CNPY3: variants seen among roughly 807,000 people sequenced by gnomAD.
The protein encoded by CNPY3 is canopy FGF signaling regulator 3.
A neutral mutation model predicts 32.0 loss-of-function variants in CNPY3; 20 were observed. The observed-to-expected ratio is 0.63, with a 90% CI of 0.44 to 0.91. CNPY3 has a LOEUF of 0.91. Ranked by LOEUF, CNPY3 falls within the 40% of genes least tolerant of loss-of-function variation. The pLI is 0.00. For missense variants in CNPY3, 299 were observed against 340.8 expected, an observed-to-expected ratio of 0.88 and a Z score of 0.97; for synonymous variants, 138 against 142.9, an observed-to-expected ratio of 0.97 and a Z score of 0.24.
At chr6:42,936,949 C>A (rs1380283052) in intron 3 of CNPY3, among the ~76,000 whole-genome samples, 1 of 152,044 alleles carries the variant, frequency 6.6e-6, no homozygotes, top group Non-Finnish European at 1.5e-5. Flanking sequence ...TATGAGTTAT[C>A]TCTGGGAAAA....
intron 3 of CNPY3, among the ~76,000 whole-genome samples, chr6:42,936,046 C>A (rs972825950): frequency 1.5e-5 from 2 of 135,528 alleles, no homozygotes; most frequent in Non-Finnish European, 1.6e-5. Flanking sequence ...ACTGCCCAGT[C>A]CCATCTCTGG....
chr6:42,930,674 C>T (rs377529519), intron 1 of CNPY3, among the ~76,000 whole-genome samples: 1 of 152,152 alleles, frequency 6.6e-6, no homozygotes, highest in African/African-American at 2.4e-5. Flanking sequence ...ACCCCAGGGC[C>T]CCCAGAAAGT....
chr6:42,931,208 C>T (rs1767783196), intron 1 of CNPY3, among the ~76,000 whole-genome samples: 1 of 148,282 alleles, frequency 6.7e-6, no homozygotes, highest in South Asian at 2.1e-4. Context: ...ACTTTTCGCT[C>T]TTCCTCTAGT....
intron 3 of CNPY3, 114 bp from the exon 4 acceptor site, chr6:42,937,603 C>T (rs1238688323): frequency 3.6e-6 from 4 of 1,107,684 alleles, no homozygotes; most frequent in South Asian, 2.9e-5. Context: ...GGATGAGGAT[C>T]CTTAGAGGGC....
intron 3 of CNPY3, among the ~76,000 whole-genome samples, chr6:42,936,128 G>C (rs1340626087): frequency 2.0e-5 from 3 of 152,178 alleles, no homozygotes; most frequent in African/African-American, 7.2e-5. Flanking sequence ...ATGTGTACGA[G>C]TGCTTTTCTC....
chr6:42,929,443 A>C, upstream of CNPY3: 5 of 973,988 alleles, frequency 5.1e-6, no homozygotes, highest in Non-Finnish European at 7.3e-6. Context: ...GGCGGGCGGG[A>C]GGCTAGCTGT....
chr6:42,936,141 T>C (rs1768217727), intron 3 of CNPY3, among the ~76,000 whole-genome samples: 2 of 152,302 alleles, frequency 1.3e-5, no homozygotes, highest in Admixed American at 1.3e-4. Flanking sequence ...CTTTTCTCTC[T>C]GGAGAATGAG....
chr6:42,928,180 G>C (rs1767516476), upstream of CNPY3, among the ~76,000 whole-genome samples: 1 of 151,940 alleles, frequency 6.6e-6, no homozygotes, highest in South Asian at 2.1e-4. Flanking sequence ...GTAGAGATGG[G>C]GTTTCAGCAT....
At chr6:42,938,527 T>G (rs1562546645) in intron 5 of CNPY3, 41 bp from the exon 6 acceptor site, 5 of 1,538,198 alleles carry the variant, frequency 3.3e-6, no homozygotes, top group Non-Finnish European at 4.4e-6. Flanking sequence ...ACCCCAGCCC[T>G]GAGGCACTTC....
chr6:42,929,950 A>G (rs1228724336), intron 1 of CNPY3, among the ~76,000 whole-genome samples: 3 of 151,452 alleles, frequency 2.0e-5, no homozygotes, highest in Admixed American at 2.0e-4. Flanking sequence ...AGTAGATGCC[A>G]TGATAGGGGA....
chr6:42,936,755 C>T (rs530852987), intron 3 of CNPY3, among the ~76,000 whole-genome samples: 3 of 152,148 alleles, frequency 2.0e-5, no homozygotes, highest in South Asian at 2.1e-4. Flanking sequence ...CAGGGGGTCT[C>T]GAACTCCTGA....
chr6:42,936,936 T>A (rs1768278005), intron 3 of CNPY3, among the ~76,000 whole-genome samples: 1 of 152,140 alleles, frequency 6.6e-6, no homozygotes, highest in Admixed American at 6.6e-5. Context: ...ATATTGGTAT[T>A]TGTATGAGTT....
intron 1 of CNPY3, 40 bp downstream of exon 1, chr6:42,929,761 G>C (rs768337053): frequency 7.2e-6 from 11 of 1,525,086 alleles, no homozygotes; most frequent in Middle Eastern, 2.2e-4. Flanking sequence ...CTGCCGGAGG[G>C]GCTGGCTCCA....
In CNPY3 at chr6:42,938,148, A is replaced by T. The variant is rs775401341; in HGVS notation, c.554A>T (p.Gln185Leu). ...ATCGAGGACTGGTACAGGAACCACCAGGAGGAAGACCTGACTGAATTCCTC... is the reference window on the plus strand; with the variant it reads ...ATCGAGGACTGGTACAGGAACCACCTGGAGGAAGACCTGACTGAATTCCTC... ...EVIEDWYRNHQEEDLTEFLCA... is the reference protein window; with the variant it reads ...EVIEDWYRNHLEEDLTEFLCA... Residue 185 changes from glutamine to leucine, a missense_variant, in exon 5 of 6, where the codon CAG becomes CTG. Around this residue, in one of 2 missense-constraint regions of CNPY3, gnomAD observed 211 missense variants for 278.3 expected, o/e 0.76. Transcript: ENST00000372836. 1 of 1,614,202 alleles carries T rather than the reference A, an allele frequency of 6.2e-7. No homozygotes were observed.
chr6:42,930,460 G>A (rs1581698993), intron 1 of CNPY3, among the ~76,000 whole-genome samples: 1 of 152,310 alleles, frequency 6.6e-6, no homozygotes, highest in African/African-American at 2.4e-5. Context: ...GAACAATAGA[G>A]CCTATGGGGA....
intron 3 of CNPY3, 41 bp downstream of exon 3, chr6:42,935,711 C>G: frequency 6.3e-7 from 1 of 1,581,548 alleles, no homozygotes; most frequent in Non-Finnish European, 8.7e-7. Flanking sequence ...TGGGGTCAGG[C>G]CTGCATGTAT....
intron 1 of CNPY3, among the ~76,000 whole-genome samples, chr6:42,932,911 A>G (rs1767934576): frequency 6.6e-6 from 1 of 152,236 alleles, no homozygotes; most frequent in Non-Finnish European, 1.5e-5. Context: ...TTTAGCCTTC[A>G]GACTGGTATT....
intron 1 of CNPY3, among the ~76,000 whole-genome samples, chr6:42,933,773 T>C (rs1433432527): frequency 6.6e-6 from 1 of 152,242 alleles, no homozygotes; most frequent in Non-Finnish European, 1.5e-5. Context: ...ATTATAATTA[T>C]ATATTGAAGA....
intron 2 of CNPY3, 21 bp downstream of exon 2, chr6:42,934,619 T>A (rs779153147): frequency 6.2e-7 from 1 of 1,613,090 alleles, no homozygotes; most frequent in Non-Finnish European, 8.5e-7. Flanking sequence ...GGGGACTCAC[T>A]GGCCTGGCCT....
Sources: gnomAD v4.1 joint callset for allele counts (sites outside exome capture counted in the v4.1 genomes callset) on GRCh38, gnomAD v4.1.1 for gene constraint, gnomAD v4.1.1 regional missense constraint, MANE v1.5 for transcripts, NCBI Gene and HGNC (gene_info 2026-07-23, HGNC 2026-07-21) for gene names.